Variants in ITGB6 observed in about 807,000 individuals in gnomAD.
ITGB6 encodes integrin beta-6.
A neutral mutation model predicts 84.5 loss-of-function variants in ITGB6; 80 were observed. The ratio of observed to expected loss-of-function variants is 0.95; its 90% CI spans 0.79 to 1.14. The LOEUF (loss-of-function observed/expected upper bound fraction) is 1.14, where lower values mean the gene tolerates loss of function less well. ITGB6 is among the 50% of genes most tolerant of loss of function. The pLI is 0.00. For synonymous variants in ITGB6, 383 were observed against 354.9 expected (o/e 1.08, Z -0.89); for missense variants, 1,006 against 968.0 (o/e 1.04, Z -0.52).
intron 7 of ITGB6, among the ~76,000 whole-genome samples, chr2:160,151,427 C>T (rs1414617840): frequency 6.6e-6 from 1 of 152,186 alleles, no homozygotes; most frequent in African/African-American, 2.4e-5. Flanking sequence ...ACCAGAATCT[C>T]TGGGACACAT....
rs1406315767 is a variant in ITGB6 at position 160,172,654 on chromosome 2, T to A, written c.836A>T (p.Asp279Val). The A allele has an allele frequency of 6.2e-7, 1 of 1,612,006 alleles. No individual in the cohort carries two copies. The highest frequency in any genetic ancestry group is 1.7e-5 in the Admixed American group (1 of 59,984). ...VSDADSHFGMDSKLAGIVIPN... is the reference protein window; with the variant it reads ...VSDADSHFGMVSKLAGIVIPN... ...AATGACGATGCCTGCTAGTTTGCTG[T>A]CCATTCCAAAATGAGAATCAGCATC... Residue 279 changes from aspartate to valine, a missense_variant, in exon 6 of 15, where the codon GAC becomes GTC. Coordinates refer to ENST00000283249, the MANE Select transcript of ITGB6 (RefSeq NM_000888.5).
intron 4 of ITGB6, among the ~76,000 whole-genome samples, chr2:160,191,132 C>T (rs1467567490): frequency 6.6e-6 from 1 of 152,176 alleles, no homozygotes; most frequent in African/African-American, 2.4e-5. Flanking sequence ...TTGTTAGCAC[C>T]AAGCTTATTT....
At chr2:160,118,609 C>T (rs1682886977) in intron 12 of ITGB6, among the ~76,000 whole-genome samples, 1 of 152,076 alleles carries the variant, frequency 6.6e-6, no homozygotes, top group Non-Finnish European at 1.5e-5. Flanking sequence ...AGGCACAAGA[C>T]AGGGATGCCC....
At chr2:160,113,012 C>T (rs1682596302) in intron 12 of ITGB6, among the ~76,000 whole-genome samples, 1 of 152,192 alleles carries the variant, frequency 6.6e-6, no homozygotes, top group Non-Finnish European at 1.5e-5. Context: ...GAAAACCAAA[C>T]AAATTTGCTT....
chr2:160,153,474 C>T (rs1684506189), intron 7 of ITGB6, among the ~76,000 whole-genome samples: 1 of 152,148 alleles, frequency 6.6e-6, no homozygotes, highest in African/African-American at 2.4e-5. Context: ...AAACCTAAAA[C>T]CATAAAAACC....
intron 14 of ITGB6, among the ~76,000 whole-genome samples, chr2:160,105,681 T>G (rs547424023): frequency 6.6e-6 from 1 of 152,306 alleles, no homozygotes; most frequent in African/African-American, 2.4e-5. Context: ...CTATTGTCCT[T>G]TGTGGCAACT....
At chr2:160,132,216 G>A (rs936826017) in intron 10 of ITGB6, among the ~76,000 whole-genome samples, 4 of 152,154 alleles carry the variant, frequency 2.6e-5, no homozygotes, top group Admixed American at 2.6e-4. Flanking sequence ...TGTGAAAAGA[G>A]GACTGATGTG....
At chr2:160,156,154 T>G (rs564325968) in intron 7 of ITGB6, among the ~76,000 whole-genome samples, 1 of 152,326 alleles carries the variant, frequency 6.6e-6, no homozygotes, top group South Asian at 2.1e-4. Flanking sequence ...AAGATGCCAC[T>G]TAAATTGCAG....
At chr2:160,130,779 A>G (rs568304944) in intron 10 of ITGB6, among the ~76,000 whole-genome samples, 1 of 152,350 alleles carries the variant, frequency 6.6e-6, no homozygotes, top group South Asian at 2.1e-4. Context: ...ATTCCATATT[A>G]CAGTTGATTC....
chr2:160,182,680 A>T (rs1685729747), intron 4 of ITGB6, among the ~76,000 whole-genome samples: 1 of 152,160 alleles, frequency 6.6e-6, no homozygotes, highest in African/African-American at 2.4e-5. Context: ...CAACTCCAAG[A>T]CATATAATCA....
chr2:160,161,721 G>A (rs1684823199), intron 7 of ITGB6, among the ~76,000 whole-genome samples: 2 of 152,034 alleles, frequency 1.3e-5, no homozygotes, highest in Non-Finnish European at 2.9e-5. Flanking sequence ...GTATATATTA[G>A]TTTTATAATC....
Position 160,123,877 on chromosome 2 carries a change from T to A in ITGB6, c.1895A>T (p.Glu632Val), listed in dbSNP as rs1321188375. 2 of 1,613,252 alleles carry A rather than the reference T, an allele frequency of 1.2e-6. No individual in the cohort carries two copies. Among genetic ancestry groups the A allele is most frequent in the Non-Finnish European group, 1.7e-6 (2 of 1,179,448 alleles). ...DPCNSKRSCI[E>V]CHLSAAGQAR... ...TTGGCCAGCTGCTGACAGGTGGCACTCAATGCAGCTCCTGTGGACAGTATC... is the reference window on the plus strand; with the variant it reads ...TTGGCCAGCTGCTGACAGGTGGCACACAATGCAGCTCCTGTGGACAGTATC... The change falls in exon 12 of 15, where the codon GAG becomes GTG. Residue 632 changes from glutamate to valine, a missense_variant. Physicochemically the swap from Glu to Val is moderately radical, Grantham distance 121 (BLOSUM62 -2). Transcript: ENST00000283249.
At chr2:160,151,484 G>A (rs1041883565) in intron 7 of ITGB6, among the ~76,000 whole-genome samples, 6 of 152,156 alleles carry the variant, frequency 3.9e-5, no homozygotes, top group African/African-American at 1.2e-4. Context: ...AAGCCCTCAA[G>A]AGAAAGCAGG....
chr2:160,158,917 G>A (rs1465621117), intron 7 of ITGB6, among the ~76,000 whole-genome samples: 1 of 152,090 alleles, frequency 6.6e-6, no homozygotes, highest in Non-Finnish European at 1.5e-5. Context: ...TGGCCAATAT[G>A]GTGAAACCCC....
chr2:160,174,557 C>A (rs573780553), intron 4 of ITGB6, among the ~76,000 whole-genome samples: 6 of 147,510 alleles, frequency 4.1e-5, no homozygotes, highest in East Asian at 2.2e-4. Context: ...AAGAGAGGAA[C>A]CTGTCTTCTT....
chr2:160,192,698 G>T (rs559368369), intron 4 of ITGB6, among the ~76,000 whole-genome samples: 1 of 151,890 alleles, frequency 6.6e-6, no homozygotes, highest in East Asian at 1.9e-4. Context: ...AACTGGGAGA[G>T]AATATTTTTG....
At chr2:160,167,413 C>T (rs1685033526) in intron 7 of ITGB6, among the ~76,000 whole-genome samples, 3 of 152,130 alleles carry the variant, frequency 2.0e-5, no homozygotes, top group Admixed American at 2.0e-4. Context: ...AAAAATAAAA[C>T]AATGAAACGG....
chr2:160,178,841 T>A (rs1380947729), intron 4 of ITGB6: 1 of 151,928 alleles, frequency 6.6e-6, no homozygotes, highest in Non-Finnish European at 1.5e-5. Context: ...GGACTACAGG[T>A]ATGTACCACC....
At chr2:160,172,251 C>T (rs1685234579) in intron 6 of ITGB6, among the ~76,000 whole-genome samples, 2 of 152,336 alleles carry the variant, frequency 1.3e-5, no homozygotes, top group East Asian at 1.9e-4. Flanking sequence ...TGGGTCCCTC[C>T]TTTCTGAGGC....
Sources: allele counts gnomAD v4.1 joint callset (sites outside exome capture counted in the v4.1 genomes callset), GRCh38; gene constraint gnomAD v4.1.1; transcripts MANE v1.5; gene names NCBI Gene and HGNC (gene_info 2026-07-23, HGNC 2026-07-21).